CD33: variants seen among roughly 807,000 people sequenced by gnomAD.
CD33 encodes myeloid cell surface antigen CD33.
Under a neutral mutation model 31.4 loss-of-function variants are expected in CD33, and 25 were observed. The observed-to-expected ratio is 0.80, with a 90% CI of 0.58 to 1.11. The LOEUF (loss-of-function observed/expected upper bound fraction) is 1.11. CD33 is among the 50% of genes most tolerant of loss of function. The pLI, the probability that CD33 is intolerant of heterozygous loss-of-function variation, is 0.00. For synonymous variants in CD33, 176 were observed against 180.6 expected, an observed-to-expected ratio of 0.97 and a Z score of 0.20; for missense variants, 407 against 448.1, an observed-to-expected ratio of 0.91 and a Z score of 0.83.
In CD33 at chr19:51,239,731, C is replaced by G; in HGVS notation, c.*43C>G. On this transcript the variant is annotated 3_prime_UTR_variant, in exon 7 of 7. Coordinates refer to ENST00000262262, the MANE Select transcript of CD33 (RefSeq NM_001772.4). ...CAGGCTCAGCTAGAAGATCCACATC[C>G]TCTACAGGTCGGGGACCAAAGGCTG... The G allele has an allele frequency of 6.5e-7, 1 of 1,528,744 alleles. No individual in the cohort carries two copies. The highest frequency in any genetic ancestry group is 1.2e-5 in the South Asian group (1 of 81,208). 94.7% of individuals were successfully genotyped at this position (1,528,744 alleles called of 1,614,324 possible).
upstream of CD33, among the ~76,000 whole-genome samples, chr19:51,223,454 G>T (rs1980786398): frequency 6.6e-6 from 1 of 152,170 alleles, no homozygotes; most frequent in Admixed American, 6.5e-5. Context: ...TCAACGGTTT[G>T]CTGGATGCAT....
the CD33 span, among the ~76,000 whole-genome samples, chr19:51,215,098 C>CACA: frequency 6.6e-6 from 1 of 152,172 alleles, no homozygotes; most frequent in Non-Finnish European, 1.5e-5. Context: ...GATCCTGCTT[C>CACA]TCTGCCTCTG....
upstream of CD33, among the ~76,000 whole-genome samples, chr19:51,221,070 T>C (rs200656): frequency 0.75 from 113,568 of 152,024 alleles, 43,346 homozygotes; most frequent in African/African-American, 0.81. Flanking sequence ...CACTCAACAA[T>C]AACAAAAAAT....
chr19:51,229,419 A>C (rs1330829271), intron 4 of CD33, among the ~76,000 whole-genome samples: 1 of 152,054 alleles, frequency 6.6e-6, no homozygotes, highest in Non-Finnish European at 1.5e-5. Context: ...ATGAGTTAGG[A>C]AGAGTTGCCT....
intron 6 of CD33, chr19:51,239,013 T>C: frequency 6.6e-6 from 1 of 152,600 alleles, no homozygotes. Flanking sequence ...TCTCTCCTGT[T>C]CATCTGCACA....
Position 51,225,819 on chromosome 19 carries a change from C to A in CD33, c.435C>A (p.Pro145=). The A allele has an allele frequency of 6.2e-7, 1 of 1,613,872 alleles. No homozygotes were observed. Reference sequence around the variant, plus strand: ...CCTCACTAGACTTGACCCACAGGCCCAAAATCCTCATCCCTGGCACTCTAG... The same window carrying A: ...CCTCACTAGACTTGACCCACAGGCCAAAAATCCTCATCCCTGGCACTCTAG... ...SVHVTDLTHR[P]KILIPGTLEP... is the part of the protein sequence containing the mutation. Residue 145 remains proline, a synonymous_variant, in exon 3 of 7, where the codon CCC becomes CCA. Coordinates refer to ENST00000262262, the MANE Select transcript of CD33 (RefSeq NM_001772.4).
chr19:51,215,032 A>G, the CD33 span, among the ~76,000 whole-genome samples: 11 of 152,190 alleles, frequency 7.2e-5, no homozygotes, highest in African/African-American at 2.6e-4. Flanking sequence ...TTTTGTAGGG[A>G]AATCAAGGCC....
chr19:51,224,480 T>C (rs1233815162), upstream of CD33, among the ~76,000 whole-genome samples: 1 of 152,162 alleles, frequency 6.6e-6, no homozygotes, highest in East Asian at 1.9e-4. Context: ...AGCAGAGAAG[T>C]GATTTCCTTG....
chr19:51,238,612 A>G lies in CD33; in HGVS notation c.925-906A>G, dbSNP rs528966465. On this transcript the variant is annotated intron_variant, in intron 6 of 6. Coordinates refer to ENST00000262262, the MANE Select transcript of CD33 (RefSeq NM_001772.4). ...TGTTTCAAATGCTGGTAAGTCTGGT[A>G]AGATGGAATCTGAGAAATGGCTATT... The G allele has an allele frequency of 2.0e-5, 3 of 152,444 alleles. No homozygotes were observed. In the East Asian group the frequency reaches 5.8e-4, roughly 29 times the overall value. 9.4% of individuals were successfully genotyped at this position (152,444 alleles called of 1,614,324 possible).
chr19:51,234,822 T>C (rs1248877791), intron 4 of CD33, among the ~76,000 whole-genome samples: 1 of 152,020 alleles, frequency 6.6e-6, no homozygotes, highest in Non-Finnish European at 1.5e-5. Context: ...TCCAGTGCTT[T>C]CTCTCTCTCT....
intron 4 of CD33, among the ~76,000 whole-genome samples, chr19:51,229,428 C>T (rs1981255933): frequency 6.6e-6 from 1 of 152,026 alleles, no homozygotes; most frequent in South Asian, 2.1e-4. Context: ...GAAGAGTTGC[C>T]TCCACTTCAA....
intron 4 of CD33, 36 bp downstream of exon 4, chr19:51,226,392 A>T: frequency 1.9e-5 from 30 of 1,586,132 alleles, no homozygotes; most frequent in Non-Finnish European, 2.6e-5. Flanking sequence ...GCTGTTACTG[A>T]CATTGAGTCT....
chr19:51,213,873 T>C, the CD33 span, among the ~76,000 whole-genome samples: 1 of 149,302 alleles, frequency 6.7e-6, no homozygotes, highest in Non-Finnish European at 1.5e-5. Context: ...TCCTTTTTTT[T>C]TTTTGATATA....
At chr19:51,237,462 G>A (rs1331822801) in intron 6 of CD33, 7 of 152,274 alleles carry the variant, frequency 4.6e-5, no homozygotes, top group African/African-American at 9.6e-5. Context: ...ATGGGAGAAC[G>A]GATTGGACAG....
At chr19:51,232,575 G>C (rs1385529136) in intron 4 of CD33, among the ~76,000 whole-genome samples, 1 of 152,100 alleles carries the variant, frequency 6.6e-6, no homozygotes, top group African/African-American at 2.4e-5. Flanking sequence ...GAGTCCTGTA[G>C]GTTTCCTTCG....
At chr19:51,226,536 C>T (rs1981049939) in intron 4 of CD33, among the ~76,000 whole-genome samples, 180 bp downstream of exon 4, 1 of 152,120 alleles carries the variant, frequency 6.6e-6, no homozygotes, top group Non-Finnish European at 1.5e-5. Context: ...CCTTGCCCAT[C>T]CAAATAATGC....
intron 4 of CD33, among the ~76,000 whole-genome samples, chr19:51,233,846 G>T (rs932067159): frequency 6.6e-6 from 1 of 152,178 alleles, no homozygotes; most frequent in African/African-American, 2.4e-5. Context: ...GTGCCTCCAT[G>T]CTGCCCTCCT....
chr19:51,226,805 C>T (rs1981071089), intron 4 of CD33, among the ~76,000 whole-genome samples: 1 of 151,544 alleles, frequency 6.6e-6, no homozygotes, highest in African/African-American at 2.4e-5. Flanking sequence ...TATAGAACAC[C>T]AGAACTTATT....
rs139951115 is a variant in CD33 at position 51,225,520 on chromosome 19, G to C, written c.340G>C (p.Gly114Arg). 3.1e-4 allele frequency: 504 copies of C among 1,608,276 alleles called. 1 individual carries two copies. Among genetic ancestry groups the C allele is most frequent in the Admixed American group, 4.4e-4 (26 of 59,254 alleles). The change falls in exon 2 of 7, where the codon GGT (glycine) becomes CGT (arginine). Residue 114 changes from glycine (G) to arginine (R), a missense_variant. By Grantham distance (125) the Gly-to-Arg change is moderately radical (BLOSUM62 -2). Transcript: ENST00000262262. ...SIVDARRRDN[G>R]SYFFRMERGS... ...CGTAGACGCCAGGAGGAGGGATAAT[G>C]GTTCATACTTCTTTCGGATGGAGAG...
Sources: gnomAD v4.1 joint callset for allele counts (sites outside exome capture counted in the v4.1 genomes callset) on GRCh38, gnomAD v4.1.1 for gene constraint, MANE v1.5 for transcripts, NCBI Gene and HGNC (gene_info 2026-07-23, HGNC 2026-07-21) for gene names.